CAMK1D: variants seen among roughly 807,000 people sequenced by gnomAD.
CAMK1D encodes calcium/calmodulin dependent protein kinase ID, also known as calcium/calmodulin-dependent protein kinase type 1D.
A neutral mutation model predicts 47.7 loss-of-function variants in CAMK1D; 9 were observed. The ratio of observed to expected loss-of-function variants is 0.19; its 90% CI spans 0.11 to 0.33. The LOEUF is 0.33. Ranked by LOEUF, CAMK1D falls within the 10% of genes least tolerant of loss-of-function variation. The probability of loss-of-function intolerance (pLI) is 1.00; values close to 1 mark genes in which losing one functional copy is unlikely to be tolerated. For missense variants in CAMK1D, 291 were observed against 488.7 expected (o/e 0.60, Z 3.81); for synonymous variants, 184 against 184.9 (o/e 0.99, Z 0.04).
intron 2 of CAMK1D, among the ~76,000 whole-genome samples, chr10:12,605,105 T>A (rs1476465996): frequency 6.6e-6 from 1 of 152,072 alleles, no homozygotes; most frequent in Non-Finnish European, 1.5e-5. Flanking sequence ...TACAGGATGG[T>A]CTCGATCTCC....
intron 1 of CAMK1D, among the ~76,000 whole-genome samples, chr10:12,457,779 CA>C (rs5783269): frequency 0.24 from 16,907 of 71,188 alleles, 490 homozygotes; most frequent in Non-Finnish European, 0.25. Flanking sequence ...GACTCTGTCT[CA>C]AAAAAAAAAA....
chr10:12,647,916 A>C (rs1190533301), intron 2 of CAMK1D, among the ~76,000 whole-genome samples: 1 of 152,174 alleles, frequency 6.6e-6, no homozygotes, highest in East Asian at 1.9e-4. Flanking sequence ...GGATGTCCTT[A>C]GGCCAAGGCA....
intron 1 of CAMK1D, among the ~76,000 whole-genome samples, chr10:12,362,533 C>A (rs544460148): frequency 2.0e-5 from 3 of 152,080 alleles, no homozygotes; most frequent in Non-Finnish European, 2.9e-5. Context: ...AGTCTCGCCC[C>A]GTCCCCCAGG....
chr10:12,593,798 C>T (rs1311793630), intron 2 of CAMK1D, among the ~76,000 whole-genome samples: 1 of 152,192 alleles, frequency 6.6e-6, no homozygotes, highest in Admixed American at 6.5e-5. Context: ...ACCTGTCCTC[C>T]CAAGCTTGGG....
At chr10:12,359,806 A>C (rs1837609348) in intron 1 of CAMK1D, among the ~76,000 whole-genome samples, 2 of 152,148 alleles carry the variant, frequency 1.3e-5, no homozygotes, top group African/African-American at 2.4e-5. Flanking sequence ...ATAGGTACTG[A>C]ATTTATTTTA....
chr10:12,606,193 C>T (rs982566330), intron 2 of CAMK1D, among the ~76,000 whole-genome samples: 3 of 143,452 alleles, frequency 2.1e-5, no homozygotes, highest in Non-Finnish European at 4.4e-5. Flanking sequence ...TGCTCAGGGA[C>T]CACAGGGGAG....
intron 1 of CAMK1D, among the ~76,000 whole-genome samples, chr10:12,382,213 G>T (rs184863687): frequency 2.6e-4 from 39 of 152,256 alleles, no homozygotes; most frequent in Admixed American, 4.6e-4. Context: ...ACAGTTGTCT[G>T]AGCTAATATT....
intron 2 of CAMK1D, among the ~76,000 whole-genome samples, chr10:12,575,835 A>G (rs1223880997): frequency 6.6e-6 from 1 of 152,140 alleles, no homozygotes; most frequent in Non-Finnish European, 1.5e-5. Flanking sequence ...CCCTAGTGTT[A>G]CCTAAACCAA....
At chr10:12,374,031 G>C (rs888999518) in intron 1 of CAMK1D, among the ~76,000 whole-genome samples, 7 of 150,706 alleles carry the variant, frequency 4.6e-5, no homozygotes, top group Non-Finnish European at 8.9e-5. Flanking sequence ...AGGCTGAGGT[G>C]GGCAGATCAC....
At chr10:12,619,493 G>T (rs61356698) in intron 2 of CAMK1D, among the ~76,000 whole-genome samples, 158 of 152,232 alleles carry the variant, frequency 1.0e-3, no homozygotes, top group African/African-American at 3.6e-3. Flanking sequence ...TTACTGTGTT[G>T]CCTAGACTGG....
intron 1 of CAMK1D, among the ~76,000 whole-genome samples, chr10:12,522,314 C>G (rs1835447401): frequency 7.5e-6 from 1 of 133,392 alleles, no homozygotes; most frequent in Non-Finnish European, 1.6e-5. Context: ...GAACAAAGGT[C>G]TCTGGTTTTC....
intron 6 of CAMK1D, among the ~76,000 whole-genome samples, chr10:12,803,936 C>T (rs149769042): frequency 2.0e-5 from 3 of 152,280 alleles, no homozygotes; most frequent in Admixed American, 6.5e-5. Context: ...GAGCGGGAGG[C>T]GCCACCTGTC....
rs33936519 is a variant in CAMK1D at position 12,829,732 on chromosome 10, C to CA, written c.*862dup. ...TGGGTGACAGAGCAAGACTCTGTCT[C>CA]AAAAAAAAAAAAAAAAATTCTAACA... On this transcript the variant is annotated 3_prime_UTR_variant, in exon 11 of 11. Transcript: ENST00000619168. 0.24 allele frequency: 30,202 copies of CA among 125,892 alleles called. 4,098 individuals are homozygous for CA. Among genetic ancestry groups the CA allele is most frequent in the African/African-American group, 0.39 (13,473 of 34,296 alleles). 7.8% of individuals were successfully genotyped at this position (125,892 alleles called of 1,614,324 possible).
intron 1 of CAMK1D, among the ~76,000 whole-genome samples, chr10:12,370,125 G>A (rs964312696): frequency 6.6e-6 from 1 of 152,108 alleles, no homozygotes; most frequent in Non-Finnish European, 1.5e-5. Flanking sequence ...TACATGGACT[G>A]CATATACGAC....
At chr10:12,401,688 G>T (rs1839230442) in intron 1 of CAMK1D, among the ~76,000 whole-genome samples, 1 of 151,882 alleles carries the variant, frequency 6.6e-6, no homozygotes, top group Non-Finnish European at 1.5e-5. Flanking sequence ...GGTGAGCTGG[G>T]CCTGTGGCTT....
At chr10:12,752,544 G>A (rs147536513) in intron 3 of CAMK1D, among the ~76,000 whole-genome samples, 48 of 152,250 alleles carry the variant, frequency 3.2e-4, no homozygotes, top group African/African-American at 1.1e-3. Context: ...CACCACTACA[G>A]TATTTCCATG....
intron 1 of CAMK1D, among the ~76,000 whole-genome samples, chr10:12,439,388 G>A (rs1176037093): frequency 2.0e-5 from 3 of 152,132 alleles, no homozygotes; most frequent in Non-Finnish European, 2.9e-5. Flanking sequence ...CTCTGTGCTC[G>A]TGTATATGTC....
At chr10:12,679,825 C>T (rs1244819806) in intron 3 of CAMK1D, among the ~76,000 whole-genome samples, 3 of 152,188 alleles carry the variant, frequency 2.0e-5, no homozygotes, top group Non-Finnish European at 2.9e-5. Context: ...GCCCAGCACC[C>T]GGGCATATCC....
At chr10:12,801,281 A>G (rs1251996943) in intron 6 of CAMK1D, among the ~76,000 whole-genome samples, 2 of 135,288 alleles carry the variant, frequency 1.5e-5, no homozygotes, top group African/African-American at 5.5e-5. Flanking sequence ...ATCCATCCAT[A>G]TTTCTGTCTG....
Sources: gnomAD v4.1 joint callset for allele counts (sites outside exome capture counted in the v4.1 genomes callset) on GRCh38, gnomAD v4.1.1 for gene constraint, MANE v1.5 for transcripts, NCBI Gene and HGNC (gene_info 2026-07-23, HGNC 2026-07-21) for gene names.